Variants in RRBP1 observed in about 807,000 individuals in gnomAD.
RRBP1 encodes the protein ribosome-binding protein 1.
RRBP1 carries 94 observed loss-of-function variants against 165.2 expected under a neutral mutation model. The observed-to-expected ratio is 0.57, with a 90% CI of 0.48 to 0.68. The LOEUF is 0.68. Among genes scored for constraint, RRBP1 ranks in the 30% least tolerant of loss-of-function variants. The pLI, the probability that RRBP1 is intolerant of heterozygous loss-of-function variation, is 0.00. For synonymous variants in RRBP1, 680 were observed against 714.5 expected (o/e 0.95, Z 0.77); for missense variants, 1,676 against 1,763.0 (o/e 0.95, Z 0.88).
At chr20:17,644,742 C>CGA (rs1278632115) in intron 3 of RRBP1, among the ~76,000 whole-genome samples, 1 of 151,890 alleles carries the variant, frequency 6.6e-6, no homozygotes, top group Non-Finnish European at 1.5e-5. Flanking sequence ...TGGCCTGACT[C>CGA]GAGATGTGCT....
At position 17,658,905 on chromosome 20, in the gene RRBP1, T is replaced by G. The variant is rs1568781175; in HGVS notation, c.1603A>C (p.Asn535His). 1.2e-6 allele frequency: 2 copies of G among 1,613,458 alleles called. No individual in the cohort carries two copies. Among genetic ancestry groups the G allele is most frequent in the Middle Eastern group, 3.3e-4 (2 of 6,062 alleles). The change falls in exon 3 of 25, where the codon AAC (asparagine) becomes CAC (histidine). Residue 535 changes from asparagine (N) to histidine (H), a missense_variant. Asn to His is a moderately conservative substitution (Grantham distance 68). Around this residue, in one of 5 missense-constraint regions of RRBP1, gnomAD observed 1,184 missense variants for 1,167.1 expected, o/e 1.01. Transcript: ENST00000377813. ...AQGKKAERSPNQGKKGEGAPI... is the reference protein window; with the variant it reads ...AQGKKAERSPHQGKKGEGAPI... Reference sequence around the variant, plus strand: ...GCTCCCTCTCCTTTTTTGCCTTGGTTGGGACTCCTTTCTGCCTTTTTGCCC... The same window carrying G: ...GCTCCCTCTCCTTTTTTGCCTTGGTGGGGACTCCTTTCTGCCTTTTTGCCC...
chr20:17,614,005 CTG>C lies in RRBP1; in HGVS notation c.*175_*176del. On this transcript the variant is annotated 3_prime_UTR_variant, in exon 25 of 25. Coordinates refer to ENST00000377813, the MANE Select transcript of RRBP1 (RefSeq NM_001365613.2). ...AATGTGACACAGGTTCATTTACAAA[CTG>C]GGGCTCTGGAAGGTCTACTTCTGTG... The C allele has an allele frequency of 6.2e-6, 4 of 641,648 alleles. No homozygotes were observed. The highest frequency in any genetic ancestry group is 1.9e-5 in the South Asian group (1 of 51,530). 39.7% of individuals were successfully genotyped at this position (641,648 alleles called of 1,614,324 possible).
At chr20:17,621,611 T>C in intron 15 of RRBP1, 64 bp from the exon 16 acceptor site, 1 of 1,588,360 alleles carries the variant, frequency 6.3e-7, no homozygotes, top group Non-Finnish European at 8.6e-7. Context: ...TGGCTTCCCG[T>C]TGAAATGACT....
chr20:17,647,052 G>A (rs2036477939), intron 3 of RRBP1, among the ~76,000 whole-genome samples: 1 of 152,232 alleles, frequency 6.6e-6, no homozygotes, highest in Non-Finnish European at 1.5e-5. Flanking sequence ...TTATCGCCTT[G>A]GCCCTGGGAT....
rs11469381 is a variant in RRBP1 at position 17,670,441 on chromosome 20, T to TA, written c.-22+9557dup. ...GTTTCTACTTTTTAGCAATTACCTTTAAAAAAAAAAAAACAGTAACACACA... is the reference window on the plus strand; with the variant it reads ...GTTTCTACTTTTTAGCAATTACCTTTAAAAAAAAAAAAAACAGTAACACACA... On this transcript the variant is annotated intron_variant, in intron 2 of 24. Transcript: ENST00000377813. Among the ~76,000 whole-genome samples the TA allele has an allele frequency of 5.4e-3, 771 of 143,580 alleles. 4 individuals are homozygous for TA. The highest frequency in any genetic ancestry group is 0.017 in the African/African-American group (681 of 39,046). The allele number at this position is 143,580 out of a possible 152,430, so 94.2% of individuals were successfully genotyped here.
Position 17,614,800 on chromosome 20 carries a change from G to T in RRBP1, c.4131C>A (p.Thr1377=), listed in dbSNP as rs1285631669. The T allele has an allele frequency of 1.2e-6, 2 of 1,613,698 alleles. No individual in the cohort carries two copies. Among genetic ancestry groups the T allele is most frequent in the African/African-American group, 2.7e-5 (2 of 74,922 alleles). Residue 1377 remains threonine (T), a synonymous_variant, in exon 24 of 25, where the codon ACC becomes ACA. Coordinates refer to ENST00000377813, the MANE Select transcript of RRBP1 (RefSeq NM_001365613.2). ...ATRLQELLKT[T]QEQLAREKDT... is the part of the protein sequence containing the mutation. ...CCTTCTCCCTTGCCAGCTGCTCCTG[G>T]GTCGTCTTCAGAAGCTCCTGCAGTC...
chr20:17,615,304 A>T, intron 23 of RRBP1, 127 bp downstream of exon 23: 1 of 697,044 alleles, frequency 1.4e-6, no homozygotes, highest in East Asian at 2.9e-5. Context: ...TGACAAGGGG[A>T]ACCAGTGCCA....
chr20:17,679,140 T>C (rs556676043), intron 2 of RRBP1, among the ~76,000 whole-genome samples: 9 of 152,336 alleles, frequency 5.9e-5, no homozygotes, highest in African/African-American at 2.2e-4. Context: ...TCTCATCCAC[T>C]GAATGGGTGA....
At position 17,614,975 on chromosome 20, in the gene RRBP1, C is replaced by A. The variant is rs2035769407; in HGVS notation, c.4051-95G>T. 5.0e-6 allele frequency: 7 copies of A among 1,390,456 alleles called. No individual in the cohort carries two copies. In the South Asian group the frequency reaches 8.8e-5, roughly 18 times the overall value. The allele number at this position is 1,390,456 out of a possible 1,614,324, so 86.1% of individuals were successfully genotyped here. ...GGACCCTGACGCCAGGGGCTGGAGCCCTCTGGGGACACAAGGAAGGCAACT... is the reference window on the plus strand; with the variant it reads ...GGACCCTGACGCCAGGGGCTGGAGCACTCTGGGGACACAAGGAAGGCAACT... On this transcript the variant is annotated intron_variant, in intron 23 of 24. Transcript: ENST00000377813.
Position 17,615,977 on chromosome 20 carries a change from G to C in RRBP1, c.3900C>G (p.Ile1300Met). 6.2e-7 allele frequency: 1 copy of C among 1,608,782 alleles called. No individual in the cohort carries two copies. Among genetic ancestry groups the C allele is most frequent in the Non-Finnish European group, 8.5e-7 (1 of 1,179,914 alleles). ...LKTQLEWTEA[I>M]LEDEQTQRQK... ...GCCGCTGTGTCTGCTCATCCTCCAG[G>C]ATGGCTTCTGTCCACTCCAGCTGCG... is the stretch of plus-strand genomic sequence containing the variant. The change falls in exon 22 of 25, where the codon ATC becomes ATG. Residue 1300 changes from isoleucine (I) to methionine (M), a missense_variant. Coordinates refer to ENST00000377813, the MANE Select transcript of RRBP1 (RefSeq NM_001365613.2).
At chr20:17,630,974 G>C (rs953606108) in intron 8 of RRBP1, among the ~76,000 whole-genome samples, 2 of 152,238 alleles carry the variant, frequency 1.3e-5, no homozygotes, top group Non-Finnish European at 2.9e-5. Flanking sequence ...GGGCAGAGGC[G>C]TGGCTGGAGC....
At chr20:17,661,289 G>T (rs544040715) in intron 2 of RRBP1, among the ~76,000 whole-genome samples, 44 of 152,354 alleles carry the variant, frequency 2.9e-4, no homozygotes, top group Admixed American at 5.2e-4. Flanking sequence ...CCTTTTGCCA[G>T]CAATAGCTCC....
chr20:17,680,601 G>T (rs1290368337), intron 1 of RRBP1, among the ~76,000 whole-genome samples: 1 of 152,032 alleles, frequency 6.6e-6, no homozygotes, highest in African/African-American at 2.4e-5. Flanking sequence ...ACTTCCCGGC[G>T]TGGTTCCCGA....
At chr20:17,631,694 G>GC (rs1568762837) in intron 8 of RRBP1, among the ~76,000 whole-genome samples, 3 of 152,230 alleles carry the variant, frequency 2.0e-5, no homozygotes, top group African/African-American at 7.2e-5. Context: ...TTCCAAGCAG[G>GC]CCCCAAGAGG....
In RRBP1 at chr20:17,621,764, C is replaced by G. The variant is rs199599586; in HGVS notation, c.3250G>C (p.Glu1084Gln). 1.2e-6 allele frequency: 2 copies of G among 1,613,940 alleles called. No homozygotes were observed. The highest frequency in any genetic ancestry group is 8.5e-7 in the Non-Finnish European group (1 of 1,180,008). Residue 1084 changes from glutamate to glutamine, a missense_variant, in exon 15 of 25, where the codon GAG (glutamate) becomes CAG (glutamine). Glu to Gln is a conservative substitution (Grantham distance 29, BLOSUM62 2). This residue lies in a region of RRBP1 where 1,184 missense variants were observed against 1,167.1 expected (regional missense o/e 1.01). Coordinates refer to ENST00000377813, the MANE Select transcript of RRBP1 (RefSeq NM_001365613.2). Reference sequence around the variant, plus strand: ...TTCTCTTTGAGATCCTGCAGCCACTCGGTGTAATTCTGCAATGAAACACAT... The same window carrying G: ...TTCTCTTTGAGATCCTGCAGCCACTGGGTGTAATTCTGCAATGAAACACAT... The part of the protein sequence containing the change: ...LSVLAQQNYT[E>Q]WLQDLKEKGP...
In RRBP1 at chr20:17,635,627, T is replaced by C. The variant is rs771915277; in HGVS notation, c.2375A>G (p.Asn792Ser). The C allele has an allele frequency of 8.1e-6, 13 of 1,613,360 alleles. No homozygotes were observed. Among genetic ancestry groups the C allele is most frequent in the African/African-American group, 1.3e-5 (1 of 74,882 alleles). ...TLQEQLENGP[N>S]TQLARLQQEN... ...CTGCTGCAGGCGGGCCAGCTGCGTG[T>C]TGGGGCCATTCTCCAGCTGCTCCTG... The change falls in exon 7 of 25, where the codon AAC (asparagine) becomes AGC (serine). Residue 792 changes from asparagine (N) to serine (S), a missense_variant. Physicochemically the swap from Asn to Ser is conservative, Grantham distance 46. Transcript: ENST00000377813.
intron 2 of RRBP1, among the ~76,000 whole-genome samples, chr20:17,679,609 T>A (rs1180456260): frequency 6.6e-6 from 1 of 152,204 alleles, no homozygotes; most frequent in Non-Finnish European, 1.5e-5. Flanking sequence ...AATACTCCAA[T>A]TCAATCACTG....
chr20:17,630,299 A>G lies in RRBP1; in HGVS notation c.2611-338T>C, dbSNP rs1008310728. On this transcript the variant is annotated intron_variant, in intron 8 of 24. Coordinates refer to ENST00000377813, the MANE Select transcript of RRBP1 (RefSeq NM_001365613.2). ...CAGAGTAAACTAGCGACATTTCCCA[A>G]TCCAGTCCTCGATTCCTCTCCCAGG... is the stretch of plus-strand genomic sequence containing the variant. 7.2e-5 allele frequency among the ~76,000 whole-genome samples: 11 copies of G among 152,084 alleles called. 1 individual carries two copies. The highest frequency in any genetic ancestry group is 6.5e-5 in the Admixed American group (1 of 15,280).
In RRBP1 at chr20:17,615,918, G is replaced by A. The variant is rs2035790954; in HGVS notation, c.3951+8C>T. 6.2e-7 allele frequency: 1 copy of A among 1,608,396 alleles called. No homozygotes were observed. The highest frequency in any genetic ancestry group is 1.3e-5 in the African/African-American group (1 of 75,038). ...ATGGGGGCTGAGAGCCACCAGGCAG[G>A]GCCTGACCTCCTCAAACTCGGCCGT... On this transcript the variant is annotated splice_region_variant and intron_variant, in intron 22 of 24. Coordinates refer to ENST00000377813, the MANE Select transcript of RRBP1 (RefSeq NM_001365613.2).
Sources: allele counts gnomAD v4.1 joint callset (sites outside exome capture counted in the v4.1 genomes callset), GRCh38; gene constraint gnomAD v4.1.1; regional missense constraint gnomAD v4.1.1; transcripts MANE v1.5; gene names NCBI Gene and HGNC (gene_info 2026-07-23, HGNC 2026-07-21).